Variants in KRT39 observed in about 807,000 individuals in gnomAD.
The protein encoded by KRT39 is keratin 39, also known as keratin, type I cytoskeletal 39.
Under a neutral mutation model 54.8 loss-of-function variants are expected in KRT39, and 47 were observed. That is an observed-to-expected ratio of 0.86 (90% CI 0.68 to 1.09). The LOEUF (loss-of-function observed/expected upper bound fraction) is 1.09. KRT39 is among the 50% of genes least tolerant of loss of function. KRT39 has a pLI of 0.00. For synonymous variants in KRT39, 207 were observed against 227.9 expected (o/e 0.91, Z 0.83); for missense variants, 580 against 598.5 (o/e 0.97, Z 0.32).
At position 40,958,640 on chromosome 17, in the gene KRT39, A is replaced by G. The variant is rs1417683487; in HGVS notation, c.1437T>C (p.His479=). ...GTCTGATGATGAAACAAGGCTGCAC[A>G]TGCTCGTAAGAAGAAATGACCTTCC... The part of the protein sequence containing the change: ...KDGKVISSYE[H]VQPCFIIRPA... The change falls in exon 7 of 7, where the codon CAT becomes CAC. Residue 479 remains histidine, a synonymous_variant. Transcript: ENST00000355612. The G allele has an allele frequency of 1.2e-6, 2 of 1,613,530 alleles. No homozygotes were observed. Among genetic ancestry groups the G allele is most frequent in the East Asian group, 2.2e-5 (1 of 44,894 alleles).
chr17:40,964,757 T>G (rs112069264), intron 1 of KRT39, among the ~76,000 whole-genome samples: 6,505 of 136,908 alleles, frequency 0.048, 475 homozygotes, highest in African/African-American at 0.19. Flanking sequence ...AAGTATTTTT[T>G]TTGTTGTTGT....
In KRT39 at chr17:40,966,491, A is replaced by G. The variant is rs904347517; in HGVS notation, c.366T>C (p.Ala122=). The G allele has an allele frequency of 4.3e-6, 7 of 1,614,068 alleles. No individual in the cohort carries two copies. In the Admixed American group the frequency reaches 1.0e-4, roughly 23 times the overall value. Residue 122 remains alanine (A), a synonymous_variant, in exon 1 of 7, where the codon GCT becomes GCC. Transcript: ENST00000355612. ...CTTCCTGGATTTTAGATTCCAGTTCAGCATTCTCTCGTTCTAGCATTCGCA... is the reference window on the plus strand; with the variant it reads ...CTTCCTGGATTTTAGATTCCAGTTCGGCATTCTCTCGTTCTAGCATTCGCA... ...QKVRMLEREN[A]ELESKIQEES...
chr17:40,962,001 C>T (rs760061932), intron 5 of KRT39, among the ~76,000 whole-genome samples, 161 bp downstream of exon 5: 2 of 152,186 alleles, frequency 1.3e-5, no homozygotes, highest in Non-Finnish European at 2.9e-5. Context: ...TGCAGCGTTT[C>T]GTAGACTTAT....
rs770017954 is a variant in KRT39 at position 40,963,687 on chromosome 17, T to G, written c.648A>C (p.Leu216=). Residue 216 remains leucine, a synonymous_variant, in exon 3 of 7, where the codon CTA becomes CTC. Transcript: ENST00000355612. ...LNVLTLGKAD[L]EAQVQSLKEE... is the part of the protein sequence containing the mutation. ...CTTTCAGAGACTGGACTTGTGCCTC[T>G]AGGTCGGCCTTGCCCAGGGTCAGCA... 8 of 1,612,004 alleles carry G rather than the reference T, an allele frequency of 5.0e-6. No individual in the cohort carries two copies. In the African/African-American group the frequency reaches 6.7e-5, roughly 13 times the overall value.
rs1197037789 is a variant in KRT39, at chr17:40,963,655, A to G, written c.680T>C (p.Leu227Pro). Residue 227 changes from leucine (L) to proline (P), a missense_variant, in exon 3 of 7, where the codon CTC (leucine) becomes CCC (proline). Transcript: ENST00000355612. Reference sequence around the variant, plus strand: ...TTTGTGGTTGTTCTTGAGGCAAAGGAGCTCCTCTTTCAGAGACTGGACTTG... The same window carrying G: ...TTTGTGGTTGTTCTTGAGGCAAAGGGGCTCCTCTTTCAGAGACTGGACTTG... ...EAQVQSLKEE[L>P]LCLKNNHKEE... is the part of the protein sequence containing the mutation. 1 of 1,608,646 alleles carries G rather than the reference A, an allele frequency of 6.2e-7. No homozygotes were observed. The highest frequency in any genetic ancestry group is 1.7e-5 in the Admixed American group (1 of 59,958).
chr17:40,963,417 G>A (rs1911232185), intron 3 of KRT39, among the ~76,000 whole-genome samples: 2 of 152,150 alleles, frequency 1.3e-5, no homozygotes, highest in Non-Finnish European at 2.9e-5. Flanking sequence ...AGCCATGATT[G>A]TAAGTTTCCT....
chr17:40,964,032 C>T (rs749796257), intron 2 of KRT39: 8 of 431,062 alleles, frequency 1.9e-5, no homozygotes, highest in Non-Finnish European at 2.5e-5. Flanking sequence ...TTCCTCTGCC[C>T]CTAGTGGCAA....
Position 40,961,772 on chromosome 17 carries a change from G to A in KRT39, c.996+390C>T, listed in dbSNP as rs570593537. On this transcript the variant is annotated intron_variant, in intron 5 of 6. Coordinates refer to ENST00000355612, the MANE Select transcript of KRT39 (RefSeq NM_213656.4). ...CTTTATAAATCTCATGTGATAGCTT[G>A]TAAAAATGCTTTGCATATAATAAAA... Among the ~76,000 whole-genome samples the A allele has an allele frequency of 5.9e-5, 9 of 152,304 alleles. No homozygotes were observed. In the East Asian group the frequency reaches 1.7e-3, roughly 29 times the overall value.
Position 40,963,614 on chromosome 17 carries a change from G to T in KRT39, c.708+13C>A, listed in dbSNP as rs755858941. 1.3e-6 allele frequency: 2 copies of T among 1,592,324 alleles called. No individual in the cohort carries two copies. The highest frequency in any genetic ancestry group is 8.6e-7 in the Non-Finnish European group (1 of 1,163,208). ...GACTTAGCTTGTGATTACTCTATTG[G>T]TCTTTGTCTCACCTCTTTGTGGTTG... On this transcript the variant is annotated intron_variant, in intron 3 of 6. Transcript: ENST00000355612.
rs1380870093 is a variant in KRT39, at chr17:40,960,507, A to G, written c.997-6T>C. On this transcript the variant is annotated splice_region_variant and splice_polypyrimidine_tract_variant and intron_variant, in intron 5 of 6. Transcript: ENST00000355612. ...ATGCACTCTTGGGAATCTCTCTACCATGGAGAAGGATAGTAGGATTTATAA... is the reference window on the plus strand; with the variant it reads ...ATGCACTCTTGGGAATCTCTCTACCGTGGAGAAGGATAGTAGGATTTATAA... 3.7e-6 allele frequency: 6 copies of G among 1,605,092 alleles called. No homozygotes were observed. Among genetic ancestry groups the G allele is most frequent in the Non-Finnish European group, 5.1e-6 (6 of 1,171,892 alleles).
chr17:40,958,949 G>T lies in KRT39; in HGVS notation c.1218-90C>A, dbSNP rs1395400465. The T allele has an allele frequency of 1.1e-5, 14 of 1,266,078 alleles. No homozygotes were observed. In the East Asian group the frequency reaches 2.1e-4, roughly 19 times the overall value. The allele number at this position is 1,266,078 out of a possible 1,614,324, so 78.4% of individuals were successfully genotyped here. On this transcript the variant is annotated intron_variant, in intron 6 of 6. Transcript: ENST00000355612. ...TGATTGTGGCTAATTTTTTTAACAC[G>T]TGTTGCTCAAGACAAGTACATACTT...
chr17:40,963,376 C>T lies in KRT39; in HGVS notation c.708+251G>A, dbSNP rs377543813. 8.5e-5 allele frequency among the ~76,000 whole-genome samples: 13 copies of T among 152,284 alleles called. No homozygotes were observed. In the East Asian group the frequency reaches 1.7e-3, roughly 20 times the overall value. ...CCCTTTGGTCTCTCTCTGTCTCCTG[C>T]TGCCAAGTGAGATGTGCCTGCTTCC... On this transcript the variant is annotated intron_variant, in intron 3 of 6. Coordinates refer to ENST00000355612, the MANE Select transcript of KRT39 (RefSeq NM_213656.4).
chr17:40,962,601 C>A, intron 3 of KRT39, 38 bp from the exon 4 acceptor site: 1 of 1,571,210 alleles, frequency 6.4e-7, no homozygotes, highest in Non-Finnish European at 8.7e-7. Context: ...ACTTGGTGAA[C>A]AGATAACCCC....
In KRT39 at chr17:40,966,462, C is replaced by T; in HGVS notation, c.395G>A (p.Ser132Asn). 1 of 1,614,158 alleles carries T rather than the reference C, an allele frequency of 6.2e-7. No individual in the cohort carries two copies. Among genetic ancestry groups the T allele is most frequent in the Non-Finnish European group, 8.5e-7 (1 of 1,180,008 alleles). ...ACATAGAACAGGGAGCTCTTTGTTA[C>T]TTTCTTCCTGGATTTTAGATTCCAG... ...AELESKIQEE[S>N]NKELPVLCPD... is the part of the protein sequence containing the mutation. Residue 132 changes from serine (S) to asparagine (N), a missense_variant, in exon 1 of 7, where the codon AGT becomes AAT. Coordinates refer to ENST00000355612, the MANE Select transcript of KRT39 (RefSeq NM_213656.4).
chr17:40,963,645 G>C lies in KRT39; in HGVS notation c.690C>G (p.Leu230=). ...VQSLKEELLC[L]KNNHKEEINS... is the part of the protein sequence containing the mutation. ...GTCTCACCTCTTTGTGGTTGTTCTT[G>C]AGGCAAAGGAGCTCCTCTTTCAGAG... The change falls in exon 3 of 7, where the codon CTC becomes CTG. Residue 230 remains leucine (L), a synonymous_variant. Coordinates refer to ENST00000355612, the MANE Select transcript of KRT39 (RefSeq NM_213656.4). The C allele has an allele frequency of 6.2e-7, 1 of 1,606,456 alleles. No homozygotes were observed. Among genetic ancestry groups the C allele is most frequent in the African/African-American group, 1.3e-5 (1 of 74,934 alleles).
chr17:40,963,207 G>T (rs998485898), intron 3 of KRT39, among the ~76,000 whole-genome samples: 3 of 152,300 alleles, frequency 2.0e-5, no homozygotes, highest in Non-Finnish European at 2.9e-5. Flanking sequence ...ATCTCATCTC[G>T]AATTGTAATT....
At chr17:40,962,644 T>C (rs959573521) in intron 3 of KRT39, 81 bp from the exon 4 acceptor site, 1 of 1,207,274 alleles carries the variant, frequency 8.3e-7, no homozygotes, top group Admixed American at 2.1e-5. Flanking sequence ...ACTGCTACGA[T>C]TTAGCTTAAT....
chr17:40,962,439 G>C lies in KRT39; in HGVS notation c.833C>G (p.Thr278Arg), dbSNP rs746487960. 6.2e-7 allele frequency: 1 copy of C among 1,614,204 alleles called. No individual in the cohort carries two copies. Among genetic ancestry groups the C allele is most frequent in the Non-Finnish European group, 8.5e-7 (1 of 1,180,042 alleles). Residue 278 changes from threonine to arginine, a missense_variant, in exon 4 of 7, where the codon ACA becomes AGA. Physicochemically the swap from Thr to Arg is moderately conservative, Grantham distance 71. Transcript: ENST00000355612. ...MRCQYEPIME[T>R]NRKDVEQWFN... ...CCACTGTTCCACATCTTTGCGGTTTGTCTCCATGATGGGCTCATATTGACA... is the reference window on the plus strand; with the variant it reads ...CCACTGTTCCACATCTTTGCGGTTTCTCTCCATGATGGGCTCATATTGACA...
chr17:40,965,474 G>A (rs2143627172), intron 1 of KRT39, among the ~76,000 whole-genome samples: 1 of 152,322 alleles, frequency 6.6e-6, no homozygotes. Context: ...TGAGGGCAGG[G>A]ACTTTTTAAA....
Sources: allele counts gnomAD v4.1 joint callset (sites outside exome capture counted in the v4.1 genomes callset), GRCh38; gene constraint gnomAD v4.1.1; transcripts MANE v1.5; gene names NCBI Gene and HGNC (gene_info 2026-07-23, HGNC 2026-07-21).